The following ZNF302 variants were observed in gnomAD, a reference collection of about 807,000 sequenced individuals.
The protein encoded by ZNF302 is zinc finger protein 302.
A neutral mutation model predicts 10.8 loss-of-function variants in ZNF302; 12 were observed. That is an observed-to-expected ratio of 1.11 (90% confidence interval 0.71 to 1.79). The LOEUF (loss-of-function observed/expected upper bound fraction) is 1.79. ZNF302 is among the 40% of genes most tolerant of loss of function. The pLI, the probability that ZNF302 is intolerant of heterozygous loss-of-function variation, is 0.00. For synonymous variants in ZNF302, 178 were observed against 157.5 expected, an observed-to-expected ratio of 1.13 and a Z score of -0.98; for missense variants, 461 against 471.1, an observed-to-expected ratio of 0.98 and a Z score of 0.20.
chr19:34,676,263 ACCTGATCCAG>A (rs1465077418), upstream of ZNF302: 3 of 152,146 alleles, frequency 2.0e-5, no homozygotes, highest in Admixed American at 2.0e-4. Context: ...CCAAGGCCCC[ACCTGATCCAG>A]AAGCCCAGCT....
chr19:34,678,790 G>A lies in ZNF302; in HGVS notation c.-15G>A. ...TGGAAAGGGGACTCTGTTGGCCATT[G>A]GAAATTGCAGAATAATGTCTCAGGT... On this transcript the variant is annotated 5_prime_UTR_variant, in exon 2 of 5. Transcript: ENST00000505242. 6.2e-7 allele frequency: 1 copy of A among 1,613,820 alleles called. No individual in the cohort carries two copies. The highest frequency in any genetic ancestry group is 8.5e-7 in the Non-Finnish European group (1 of 1,179,778).
rs1426996053 is a variant in ZNF302, at chr19:34,685,768, T to TA, written c.*532dup. 5.5e-6 allele frequency: 3 copies of TA among 541,342 alleles called. No homozygotes were observed. The African/African-American group carries it at 5.7e-5, about 10-fold the overall frequency. The allele number at this position is 541,342 out of a possible 1,614,324, so 33.5% of individuals were successfully genotyped here. ...TTAGCAATGATGCAGATTTTTTTAT[T>TA]AGAGTTTATACTGTAGAGAAATCAT... On this transcript the variant is annotated 3_prime_UTR_variant, in exon 5 of 5. Transcript: ENST00000505242.
intron 1 of ZNF302, among the ~76,000 whole-genome samples, 173 bp downstream of exon 1, chr19:34,678,276 A>G (rs1376555127): frequency 4.0e-5 from 6 of 151,774 alleles, no homozygotes; most frequent in Non-Finnish European, 8.8e-5. Flanking sequence ...TAAAAATACA[A>G]AAAAAAATTA....
intron 2 of ZNF302, among the ~76,000 whole-genome samples, chr19:34,680,119 A>G (rs572944389): frequency 2.0e-5 from 3 of 152,356 alleles, no homozygotes; most frequent in African/African-American, 4.8e-5. Flanking sequence ...GTAAGCCTGT[A>G]GTGAGCTATG....
rs2068141332 is a variant in ZNF302 at position 34,678,638 on chromosome 19, G to T, written c.-68-99G>T. ...CAGGGAGAGATTGACGCTCCGGCGA[G>T]TGATTACCAGTGTGCTTTTCCATTA... On this transcript the variant is annotated intron_variant, in intron 1 of 4. Coordinates refer to ENST00000505242, the MANE Select transcript of ZNF302 (RefSeq NM_001289187.2). 12 of 651,662 alleles carry T rather than the reference G, an allele frequency of 1.8e-5. No individual in the cohort carries two copies. The Middle Eastern group carries it at 1.3e-3, about 69-fold the overall frequency. 40.4% of individuals were successfully genotyped at this position (651,662 alleles called of 1,614,324 possible). A position where few individuals can be genotyped will look rare whatever the true frequency, so the allele number is the denominator to read the frequency against.
intron 2 of ZNF302, 108 bp downstream of exon 2, chr19:34,678,921 A>C (rs768334143): frequency 3.2e-5 from 42 of 1,314,668 alleles, no homozygotes; most frequent in Non-Finnish European, 4.6e-5. Context: ...TTAAGGGACT[A>C]GATCTATGGT....
chr19:34,683,030 C>T, intron 3 of ZNF302, 125 bp from the exon 4 acceptor site: 1 of 1,569,504 alleles, frequency 6.4e-7, no homozygotes, highest in South Asian at 1.2e-5. Flanking sequence ...TCTGTTGTGC[C>T]CTGCCTAAAG....
rs188163161 is a variant in ZNF302, at chr19:34,680,110, T to G, written c.9+1297T>G. Among the ~76,000 whole-genome samples the G allele has an allele frequency of 6.6e-5, 10 of 152,300 alleles. No individual in the cohort carries two copies. In the East Asian group the frequency reaches 1.9e-3, roughly 29 times the overall value. ...GGAAGATTTCTTGAGCCCTCTGGTG[T>G]AAGCCTGTAGTGAGCTATGATTATG... On this transcript the variant is annotated intron_variant, in intron 2 of 4. Coordinates refer to ENST00000505242, the MANE Select transcript of ZNF302 (RefSeq NM_001289187.2).
At position 34,684,896 on chromosome 19, in the gene ZNF302, T is replaced by C. The variant is rs371231840; in HGVS notation, c.859T>C (p.Cys287Arg). Residue 287 changes from cysteine (C) to arginine (R), a missense_variant, in exon 5 of 5, where the codon TGT becomes CGT. Cys to Arg is a radical substitution (Grantham distance 180, BLOSUM62 -3). Transcript: ENST00000505242. ...TCACACGGGAGAGAAACCGTATGAA[T>C]GTATGAACTGTGGAAAGTCTTTTAG... ...STHTGEKPYE[C>R]MNCGKSFSRV... 24 of 1,613,852 alleles carry C rather than the reference T, an allele frequency of 1.5e-5. No individual in the cohort carries two copies. The highest frequency in any genetic ancestry group is 3.3e-5 in the South Asian group (3 of 91,062).
At chr19:34,680,432 C>T (rs1173641912) in intron 2 of ZNF302, among the ~76,000 whole-genome samples, 2 of 151,914 alleles carry the variant, frequency 1.3e-5, no homozygotes, top group African/African-American at 4.8e-5. Context: ...TGAACTGTGG[C>T]TTAAGCAATG....
Position 34,683,730 on chromosome 19 carries a change from A to G in ZNF302, c.214+492A>G, listed in dbSNP as rs924068231. Among the ~76,000 whole-genome samples the G allele has an allele frequency of 3.9e-5, 6 of 152,160 alleles. No individual in the cohort carries two copies. In the South Asian group the frequency reaches 8.3e-4, roughly 21 times the overall value. Reference sequence around the variant, plus strand: ...GTTTCTTCATAACCTCAGAAAGCCTATATCTTTGTCAGCTATAAAGAGCAT... The same window carrying G: ...GTTTCTTCATAACCTCAGAAAGCCTGTATCTTTGTCAGCTATAAAGAGCAT... On this transcript the variant is annotated intron_variant, in intron 4 of 4. Transcript: ENST00000505242.
In ZNF302 at chr19:34,685,515, G is replaced by A. The variant is rs907470582; in HGVS notation, c.*278G>A. On this transcript the variant is annotated 3_prime_UTR_variant, in exon 5 of 5. Transcript: ENST00000505242. ...GAGTGTGGGAAAGCTTTTAGCAAAG[G>A]CTCGAATCTTACTGCCCATCAAAGA... 3.8e-6 allele frequency: 6 copies of A among 1,567,984 alleles called. No individual in the cohort carries two copies. In the African/African-American group the frequency reaches 5.4e-5, roughly 14 times the overall value.
At chr19:34,683,785 A>G (rs1426944702) in intron 4 of ZNF302, among the ~76,000 whole-genome samples, 1 of 152,140 alleles carries the variant, frequency 6.6e-6, no homozygotes, top group African/African-American at 2.4e-5. Context: ...GTTGTTTAAT[A>G]TAGTAGTATC....
In ZNF302 at chr19:34,685,526, A is replaced by C. The variant is rs1290399401; in HGVS notation, c.*289A>C. 1.8e-5 allele frequency: 28 copies of C among 1,559,004 alleles called. No homozygotes were observed. The highest frequency in any genetic ancestry group is 8.4e-5 in the Admixed American group (5 of 59,758). On this transcript the variant is annotated 3_prime_UTR_variant, in exon 5 of 5. Transcript: ENST00000505242. The stretch of plus-strand genomic sequence containing the variant: ...AGCTTTTAGCAAAGGCTCGAATCTT[A>C]CTGCCCATCAAAGAGTACATAATGG...
In ZNF302 at chr19:34,682,809, T is replaced by C. The variant is rs2068425647; in HGVS notation, c.42T>C (p.Ser14=). ...TTAGTGATGTGGCTATAGACTTCTC[T>C]CATGAAGAGTGGGCATGCCTAGATT... is the stretch of plus-strand genomic sequence containing the variant. ...VTFSDVAIDF[S]HEEWACLDSA... is the part of the protein sequence containing the mutation. Residue 14 remains serine (S), a synonymous_variant, in exon 3 of 5, where the codon TCT becomes TCC. Coordinates refer to ENST00000505242, the MANE Select transcript of ZNF302 (RefSeq NM_001289187.2). 2.5e-6 allele frequency: 4 copies of C among 1,613,634 alleles called. No homozygotes were observed. The Admixed American group carries it at 6.7e-5, about 27-fold the overall frequency.
chr19:34,683,829 A>G (rs1208220099), intron 4 of ZNF302, among the ~76,000 whole-genome samples: 1 of 152,182 alleles, frequency 6.6e-6, no homozygotes, highest in African/African-American at 2.4e-5. Flanking sequence ...ATCCAGCAGC[A>G]AATTGAGATT....
At chr19:34,681,642 C>A (rs112183593) in intron 2 of ZNF302, 4 of 152,164 alleles carry the variant, frequency 2.6e-5, no homozygotes, top group African/African-American at 4.8e-5. Flanking sequence ...GTAGGGATTG[C>A]GCTCCTGTAA....
chr19:34,682,582 A>C (rs1244749930), intron 2 of ZNF302, 195 bp from the exon 3 acceptor site: 1 of 648,156 alleles, frequency 1.5e-6, no homozygotes, highest in African/African-American at 1.9e-5. Flanking sequence ...TTCTAAGCAC[A>C]TAACTGTCCC....
rs747338814 is a variant in ZNF302 at position 34,684,311 on chromosome 19, G to T, written c.274G>T (p.Asp92Tyr). The change falls in exon 5 of 5, where the codon GAT becomes TAT. Residue 92 changes from aspartate to tyrosine, a missense_variant. Physicochemically the swap from Asp to Tyr is radical, Grantham distance 160. Coordinates refer to ENST00000505242, the MANE Select transcript of ZNF302 (RefSeq NM_001289187.2). ...AACAAAGAAGGATATTTATGATGAA[G>T]ATTCACCCCAACCAGTAACAATGGA... ...LSTKKDIYDE[D>Y]SPQPVTMEKV... The T allele has an allele frequency of 1.3e-6, 2 of 1,576,926 alleles. No individual in the cohort carries two copies. Among genetic ancestry groups the T allele is most frequent in the South Asian group, 2.4e-5 (2 of 84,040 alleles).
Sources: allele counts gnomAD v4.1 joint callset (sites outside exome capture counted in the v4.1 genomes callset), GRCh38; gene constraint gnomAD v4.1.1; transcripts MANE v1.5; gene names NCBI Gene and HGNC (gene_info 2026-07-23, HGNC 2026-07-21).